Variants in EXTL3 observed in about 807,000 individuals in gnomAD.
EXTL3 encodes the protein exostosin-like 3.
Under a neutral mutation model 69.3 loss-of-function variants are expected in EXTL3, and 27 were observed. That is an observed-to-expected ratio of 0.39 (90% CI 0.29 to 0.54). EXTL3 has a LOEUF of 0.54. EXTL3 is among the 20% of genes least tolerant of loss of function. The pLI, the probability that EXTL3 is intolerant of heterozygous loss-of-function variation, is 0.69. For missense variants in EXTL3, 1,003 were observed against 1,231.8 expected (o/e 0.81, Z 2.78); for synonymous variants, 511 against 499.4 (o/e 1.02, Z -0.31).
At position 28,717,268 on chromosome 8, in the gene EXTL3, G is replaced by A. The variant is rs1563215401; in HGVS notation, c.1209G>A (p.Gln403=). 1 of 1,614,220 alleles carries A rather than the reference G, an allele frequency of 6.2e-7. No homozygotes were observed. The highest frequency in any genetic ancestry group is 2.2e-5 in the East Asian group (1 of 44,878). Reference sequence around the variant, plus strand: ...TGGTGGAATTCACCTGCAAAAACCAGCCCAAACCCAGCCTGCCGACTGAGT... The same window carrying A: ...TGGTGGAATTCACCTGCAAAAACCAACCCAAACCCAGCCTGCCGACTGAGT... ...QVLVEFTCKN[Q]PKPSLPTEWA... is the part of the protein sequence containing the mutation. Residue 403 remains glutamine (Q), a synonymous_variant, in exon 3 of 7, where the codon CAG becomes CAA. Transcript: ENST00000220562. The surrounding 1 kb of genome is among the most constrained non-coding windows in gnomAD (Gnocchi z 8.3).
At chr8:28,626,908 C>T (rs1806499960) in intron 1 of EXTL3, among the ~76,000 whole-genome samples, 1 of 152,216 alleles carries the variant, frequency 6.6e-6, no homozygotes, top group Non-Finnish European at 1.5e-5. Context: ...CCTGGCTGGG[C>T]GTGGTGGCTC....
intron 1 of EXTL3, among the ~76,000 whole-genome samples, chr8:28,625,094 C>G (rs1272810382): frequency 9.7e-4 from 147 of 152,282 alleles, no homozygotes; most frequent in Admixed American, 2.6e-4. Context: ...AGTTACAGAC[C>G]GGCACTTAGA....
chr8:28,721,069 T>G (rs1483933065), intron 3 of EXTL3, among the ~76,000 whole-genome samples: 2 of 152,250 alleles, frequency 1.3e-5, no homozygotes, highest in African/African-American at 4.8e-5. Context: ...CTCTGGCTAC[T>G]TTTGAAATTT....
chr8:28,740,806 C>T (rs762921281), intron 5 of EXTL3: 13 of 152,000 alleles, frequency 8.6e-5, no homozygotes, highest in African/African-American at 2.9e-4. Flanking sequence ...GTTGAAATAA[C>T]GATGAAACAA....
intron 1 of EXTL3, among the ~76,000 whole-genome samples, chr8:28,682,310 G>A (rs1807502969): frequency 6.6e-6 from 1 of 152,078 alleles, no homozygotes; most frequent in Non-Finnish European, 1.5e-5. Context: ...TAGTTTCCTT[G>A]CTGTTGAGTT....
At chr8:28,624,819 ACAT>A (rs1347565950) in intron 1 of EXTL3, among the ~76,000 whole-genome samples, 1 of 152,192 alleles carries the variant, frequency 6.6e-6, no homozygotes, top group African/African-American at 2.4e-5. Context: ...TGGTTTGCAA[ACAT>A]CAGTAAACCC....
chr8:28,621,679 C>T (rs1388455204), upstream of EXTL3, among the ~76,000 whole-genome samples: 7 of 152,180 alleles, frequency 4.6e-5, no homozygotes, highest in Admixed American at 2.0e-4. Flanking sequence ...TGAAATATTG[C>T]AATGCCATCC....
intron 1 of EXTL3, among the ~76,000 whole-genome samples, chr8:28,684,418 A>G (rs915738010): frequency 1.3e-4 from 20 of 152,062 alleles, no homozygotes; most frequent in African/African-American, 4.8e-4. Context: ...CATTATTTCT[A>G]TCTGAGGTGG....
At chr8:28,652,506 T>G (rs1806943359) in intron 1 of EXTL3, among the ~76,000 whole-genome samples, 1 of 151,678 alleles carries the variant, frequency 6.6e-6, no homozygotes, top group African/African-American at 2.4e-5. Flanking sequence ...AAAAAAAAAT[T>G]ATCTGGCTGT....
chr8:28,622,519 G>C (rs1245282750), upstream of EXTL3, among the ~76,000 whole-genome samples: 1 of 151,734 alleles, frequency 6.6e-6, no homozygotes, highest in Non-Finnish European at 1.5e-5. Context: ...GCGAGGGCGG[G>C]GCCTCCGAGG....
At chr8:28,703,112 T>G (rs1800847097) in intron 1 of EXTL3, among the ~76,000 whole-genome samples, 1 of 152,180 alleles carries the variant, frequency 6.6e-6, no homozygotes, top group South Asian at 2.1e-4. Context: ...CGTTTGCTTG[T>G]GGGGAGCCGG....
chr8:28,744,240 T>C (rs1801837588), intron 6 of EXTL3, among the ~76,000 whole-genome samples: 1 of 152,260 alleles, frequency 6.6e-6, no homozygotes, highest in Admixed American at 6.5e-5. Flanking sequence ...GTAAGAGATT[T>C]ATACCTGATG....
At position 28,751,296 on chromosome 8, in the gene EXTL3, T is replaced by C. The variant is rs752183303; in HGVS notation, c.*430T>C. 6.6e-5 allele frequency: 12 copies of C among 181,602 alleles called. No homozygotes were observed. Among genetic ancestry groups the C allele is most frequent in the Admixed American group, 3.8e-4 (7 of 18,660 alleles). 11.2% of individuals were successfully genotyped at this position (181,602 alleles called of 1,614,324 possible). On this transcript the variant is annotated 3_prime_UTR_variant, in exon 7 of 7. Transcript: ENST00000220562. ...ATACATGCACACACTTGCATACATA[T>C]ATATTTTTGGCTGGGGGAGTGTGAG...
At chr8:28,724,381 A>G (rs993037636) in intron 3 of EXTL3, among the ~76,000 whole-genome samples, 14 of 152,328 alleles carry the variant, frequency 9.2e-5, no homozygotes, top group African/African-American at 3.4e-4. Flanking sequence ...ATGGAAAACC[A>G]ATGCACTGTT....
intron 6 of EXTL3, among the ~76,000 whole-genome samples, chr8:28,748,591 C>T (rs966928999): frequency 6.6e-6 from 1 of 152,130 alleles, no homozygotes. Flanking sequence ...GCTGCTCTCA[C>T]CTTAGTTGTC....
chr8:28,665,313 G>A (rs1807179002), intron 1 of EXTL3, among the ~76,000 whole-genome samples: 1 of 151,470 alleles, frequency 6.6e-6, no homozygotes. Flanking sequence ...GACCTCAGGT[G>A]ATCCACCCAC....
chr8:28,630,756 A>C (rs1430581852), intron 1 of EXTL3, among the ~76,000 whole-genome samples: 1 of 152,214 alleles, frequency 6.6e-6, no homozygotes, highest in East Asian at 1.9e-4. Flanking sequence ...TGCCATTGAG[A>C]GGCTTATAAC....
At chr8:28,651,026 G>A (rs1806910989) in intron 1 of EXTL3, among the ~76,000 whole-genome samples, 1 of 151,942 alleles carries the variant, frequency 6.6e-6, no homozygotes, top group African/African-American at 2.4e-5. Context: ...CTTTTCACCG[G>A]TGTTGAATGT....
chr8:28,609,295 G>A (rs1176460366), intron 2 of EXTL3, among the ~76,000 whole-genome samples: 1 of 152,050 alleles, frequency 6.6e-6, no homozygotes, highest in Non-Finnish European at 1.5e-5. Flanking sequence ...AAAGCTGTAA[G>A]CAGAGGGAAA....
Sources: gnomAD v4.1 joint callset for allele counts (sites outside exome capture counted in the v4.1 genomes callset) on GRCh38, gnomAD v4.1.1 for gene constraint, Gnocchi (gnomAD v3.1) non-coding constraint, MANE v1.5 for transcripts, NCBI Gene and HGNC (gene_info 2026-07-23, HGNC 2026-07-21) for gene names.